The following NEBL variants were observed in gnomAD, a reference collection of about 807,000 sequenced individuals.
The protein encoded by NEBL is LIM and SH3 protein 2.
Under a neutral mutation model 140.2 loss-of-function variants are expected in NEBL, and 122 were observed. The ratio of observed to expected loss-of-function variants is 0.87; its 90% CI spans 0.75 to 1.01. NEBL has a LOEUF of 1.01. NEBL is among the 50% of genes least tolerant of loss of function. The probability of loss-of-function intolerance (pLI) is 0.00; values close to 1 mark genes in which losing one functional copy is unlikely to be tolerated. For synonymous variants in NEBL, 436 were observed against 398.9 expected, an observed-to-expected ratio of 1.09 and a Z score of -1.11; for missense variants, 1,365 against 1,231.3, an observed-to-expected ratio of 1.11 and a Z score of -1.62.
At chr10:20,860,019 T>C (rs537595091) in intron 7 of NEBL, among the ~76,000 whole-genome samples, 193 bp from the exon 8 acceptor site, 2 of 152,122 alleles carry the variant, frequency 1.3e-5, no homozygotes, top group Admixed American at 1.3e-4. Flanking sequence ...TGCTTCTACA[T>C]TGATCACAAA....
At chr10:20,991,163 T>C (rs1837440089) in intron 3 of NEBL, among the ~76,000 whole-genome samples, 1 of 152,198 alleles carries the variant, frequency 6.6e-6, no homozygotes. Flanking sequence ...TGAAATGTTC[T>C]AGACTTCATT....
At chr10:21,151,411 T>C (rs751648266) in intron 2 of NEBL, among the ~76,000 whole-genome samples, 20 of 152,186 alleles carry the variant, frequency 1.3e-4, no homozygotes, top group Non-Finnish European at 2.8e-4. Flanking sequence ...CAATGGGATA[T>C]CATTACAGTA....
At chr10:21,223,166 C>T (rs918000048) in intron 3 of NEBL, among the ~76,000 whole-genome samples, 2 of 152,200 alleles carry the variant, frequency 1.3e-5, no homozygotes, top group African/African-American at 4.8e-5. Context: ...TATATTTTTG[C>T]ACTCATTAAT....
intron 2 of NEBL, among the ~76,000 whole-genome samples, chr10:21,109,211 G>T (rs1183913807): frequency 2.6e-5 from 4 of 152,120 alleles, no homozygotes; most frequent in Non-Finnish European, 4.4e-5. Context: ...AGCATGAAGG[G>T]CTGTTGAATT....
At chr10:20,962,666 T>C (rs1836107210) in intron 3 of NEBL, among the ~76,000 whole-genome samples, 1 of 152,184 alleles carries the variant, frequency 6.6e-6, no homozygotes, top group Non-Finnish European at 1.5e-5. Context: ...ACTGAGATGG[T>C]TACATCACTT....
intron 3 of NEBL, among the ~76,000 whole-genome samples, chr10:21,001,908 T>G (rs1837918941): frequency 6.6e-6 from 1 of 152,148 alleles, no homozygotes; most frequent in South Asian, 2.1e-4. Flanking sequence ...TGGTCTCTGT[T>G]TTTCCACCAA....
chr10:21,096,645 C>G (rs1487622769), intron 2 of NEBL, among the ~76,000 whole-genome samples: 1 of 151,988 alleles, frequency 6.6e-6, no homozygotes, highest in Non-Finnish European at 1.5e-5. Flanking sequence ...TTCCCAGTAG[C>G]TGGGACCACA....
chr10:21,107,159 T>C lies in NEBL; in HGVS notation c.164+65224A>G, dbSNP rs145256556. Among the ~76,000 whole-genome samples, 203 of 152,326 alleles carry C rather than the reference T, an allele frequency of 1.3e-3. 3 individuals are homozygous for C. In the East Asian group the frequency reaches 0.035, roughly 27 times the overall value. ...ACAATATGACTTCCTCTTTTCCTAA[T>C]TGAATACCCTTTATTTCTTTCTCTT... is the stretch of plus-strand genomic sequence containing the variant. On this transcript the variant is annotated intron_variant, in intron 2 of 6. Transcript: ENST00000417816.
intron 2 of NEBL, among the ~76,000 whole-genome samples, chr10:21,084,453 T>A (rs532164433): frequency 1.3e-5 from 2 of 151,956 alleles, no homozygotes; most frequent in Admixed American, 6.6e-5. Flanking sequence ...TAAAACTAAG[T>A]CTCAGCCTGT....
At chr10:21,155,616 C>T (rs1158448262) in intron 2 of NEBL, among the ~76,000 whole-genome samples, 1 of 152,174 alleles carries the variant, frequency 6.6e-6, no homozygotes, top group Non-Finnish European at 1.5e-5. Context: ...AATAAGGTAA[C>T]ATTTCAACTT....
At chr10:21,172,370 T>A in intron 2 of NEBL, 1 of 1,600,654 alleles carries the variant, frequency 6.2e-7, no homozygotes, top group Non-Finnish European at 8.6e-7. Context: ...GACAGCGTGT[T>A]GACAATACTT....
intron 2 of NEBL, among the ~76,000 whole-genome samples, chr10:21,121,614 C>G (rs189202077): frequency 6.2e-4 from 95 of 152,126 alleles, no homozygotes; most frequent in African/African-American, 2.3e-3. Context: ...TTAGAAAATC[C>G]TAATCTTAGA....
intron 2 of NEBL, among the ~76,000 whole-genome samples, chr10:21,056,906 T>G (rs1835048166): frequency 6.6e-6 from 1 of 152,178 alleles, no homozygotes; most frequent in African/African-American, 2.4e-5. Flanking sequence ...AGCTAATCCC[T>G]TTCTTAAGCT....
intron 2 of NEBL, chr10:21,125,615 G>A (rs1195243970): frequency 8.7e-6 from 4 of 461,050 alleles, no homozygotes; most frequent in African/African-American, 2.0e-5. Context: ...AATTTAGAGG[G>A]AATGTAAGTT....
At chr10:21,200,897 C>T (rs1160266901) in intron 3 of NEBL, among the ~76,000 whole-genome samples, 1 of 151,996 alleles carries the variant, frequency 6.6e-6, no homozygotes, top group Non-Finnish European at 1.5e-5. Flanking sequence ...AGTTTGAGAG[C>T]AGCCTGGGCA....
At chr10:21,256,754 C>A (rs998429656) in intron 1 of NEBL, among the ~76,000 whole-genome samples, 1 of 152,174 alleles carries the variant, frequency 6.6e-6, no homozygotes, top group Non-Finnish European at 1.5e-5. Flanking sequence ...TCCAGAAACT[C>A]CTTGAGCCCA....
At chr10:21,088,936 A>G (rs1410193940) in intron 2 of NEBL, among the ~76,000 whole-genome samples, 6 of 152,178 alleles carry the variant, frequency 3.9e-5, no homozygotes, top group Non-Finnish European at 8.8e-5. Flanking sequence ...TTAATGAACC[A>G]CGCGAGGCAG....
chr10:20,808,718 C>CA lies in NEBL; in HGVS notation c.2612-60dup, dbSNP rs1837854426. On this transcript the variant is annotated intron_variant, in intron 25 of 27. Transcript: ENST00000377122. ...TAAGTGACTCGAAAAACAAAATCAA[C>CA]AAAAAATTACTTAAAAGCTTAACAG... is the stretch of plus-strand genomic sequence containing the variant. 6.6e-6 allele frequency: 10 copies of CA among 1,517,742 alleles called. No homozygotes were observed. In the South Asian group the frequency reaches 1.0e-4, roughly 15 times the overall value. 94.0% of individuals were successfully genotyped at this position (1,517,742 alleles called of 1,614,324 possible).
chr10:20,876,662 T>A (rs1329613097), intron 5 of NEBL, among the ~76,000 whole-genome samples: 1 of 152,178 alleles, frequency 6.6e-6, no homozygotes, highest in Admixed American at 6.5e-5. Flanking sequence ...ATATGGTGTT[T>A]TGGAAAAGCT....
Sources: allele counts gnomAD v4.1 joint callset (sites outside exome capture counted in the v4.1 genomes callset), GRCh38; gene constraint gnomAD v4.1.1; transcripts MANE v1.5; gene names NCBI Gene and HGNC (gene_info 2026-07-23, HGNC 2026-07-21).